Variants in ZNF324B observed in about 807,000 individuals in gnomAD.
ZNF324B encodes the protein zinc finger protein 324B.
Under a neutral mutation model 10.6 loss-of-function variants are expected in ZNF324B, and 7 were observed. That is an observed-to-expected ratio of 0.66 (90% CI 0.38 to 1.24). The LOEUF (loss-of-function observed/expected upper bound fraction) is 1.24. ZNF324B is among the 50% of genes most tolerant of loss of function. The pLI is 0.02. For missense variants in ZNF324B, 640 were observed against 764.7 expected, an observed-to-expected ratio of 0.84 and a Z score of 1.92; for synonymous variants, 316 against 321.0, an observed-to-expected ratio of 0.98 and a Z score of 0.17.
the ZNF324B span, chr19:58,430,375 T>G: frequency 6.6e-6 from 1 of 152,250 alleles, no homozygotes; most frequent in East Asian, 1.9e-4. Context: ...ACTATTGTTT[T>G]AAGCCACTAG....
the ZNF324B span, among the ~76,000 whole-genome samples, chr19:58,427,152 C>T: frequency 1.1e-4 from 16 of 151,098 alleles, no homozygotes; most frequent in Admixed American, 4.0e-4. Context: ...TTTTTTGAGA[C>T]GGAGTTTCAC....
chr19:58,424,519 AACT>A, the ZNF324B span, among the ~76,000 whole-genome samples: 2 of 152,252 alleles, frequency 1.3e-5, no homozygotes, highest in Non-Finnish European at 2.9e-5. Flanking sequence ...TGCAAATTTA[AACT>A]ATGATGAGAT....
the ZNF324B span, chr19:58,434,723 A>G: frequency 6.2e-7 from 1 of 1,614,196 alleles, no homozygotes; most frequent in Non-Finnish European, 8.5e-7. Context: ...GCTTTTCCAC[A>G]GTTGCTGCAC....
In ZNF324B at chr19:58,455,667, G is replaced by C; in HGVS notation, c.723G>C (p.Ser241=). ...PHRLLGGQEP[S]TWDELGEALH... ...GACTCCTCGGTGGCCAGGAGCCCTC[G>C]ACCTGGGACGAGCTGGGCGAGGCTC... The change falls in exon 4 of 4, where the codon TCG becomes TCC. Residue 241 remains serine, a synonymous_variant. Coordinates refer to ENST00000336614, the MANE Select transcript of ZNF324B (RefSeq NM_207395.3). This position sits in a 1 kb window ranked among gnomAD's most constrained non-coding sequence, Gnocchi z 7.0. 6.2e-7 allele frequency: 1 copy of C among 1,613,538 alleles called. No homozygotes were observed. Among genetic ancestry groups the C allele is most frequent in the Non-Finnish European group, 8.5e-7 (1 of 1,179,842 alleles).
chr19:58,437,681 C>T, the ZNF324B span: 4 of 981,716 alleles, frequency 4.1e-6, no homozygotes, highest in South Asian at 1.9e-4. Flanking sequence ...TCCCTGTTCA[C>T]ACTGTAGGCA....
At chr19:58,427,472 T>C in the ZNF324B span, among the ~76,000 whole-genome samples, 1 of 106,582 alleles carries the variant, frequency 9.4e-6, no homozygotes, top group African/African-American at 4.1e-5. Context: ...CTTCCTTCCT[T>C]CCTTCCTTCC....
chr19:58,448,366 A>C (rs57016379), upstream of ZNF324B, among the ~76,000 whole-genome samples: 1 of 152,344 alleles, frequency 6.6e-6, no homozygotes, highest in African/African-American at 2.4e-5. Flanking sequence ...GTTTTAGCAA[A>C]GAGACTGGTG....
intron 2 of ZNF324B, 91 bp downstream of exon 2, chr19:58,453,913 C>A: frequency 6.5e-7 from 1 of 1,531,186 alleles, no homozygotes; most frequent in Non-Finnish European, 8.8e-7. Context: ...AGGATCAAAT[C>A]TGGCCAGGGC....
At chr19:58,421,647 G>A in the ZNF324B span, among the ~76,000 whole-genome samples, 1 of 152,148 alleles carries the variant, frequency 6.6e-6, no homozygotes, top group Non-Finnish European at 1.5e-5. Flanking sequence ...CCAAAGTGCT[G>A]TGATTACAGG....
upstream of ZNF324B, among the ~76,000 whole-genome samples, chr19:58,447,319 T>C (rs2052832540): frequency 6.6e-6 from 1 of 152,050 alleles, no homozygotes; most frequent in African/African-American, 2.4e-5. Context: ...TTGGCTAGGG[T>C]CAATCAGCTG....
chr19:58,422,011 G>T, the ZNF324B span, among the ~76,000 whole-genome samples: 1 of 152,194 alleles, frequency 6.6e-6, no homozygotes, highest in Admixed American at 6.5e-5. Context: ...TCCGCGTCCC[G>T]GGTTCAAGCG....
Position 58,453,780 on chromosome 19 carries a change from C to T in ZNF324B, c.79C>T (p.Arg27Cys), listed in dbSNP as rs201104603. 2.4e-5 allele frequency: 38 copies of T among 1,614,176 alleles called. No individual in the cohort carries two copies. The East Asian group carries it at 4.0e-4, about 17-fold the overall frequency. Residue 27 changes from arginine to cysteine, a missense_variant, in exon 2 of 4, where the codon CGC becomes TGC. Transcript: ENST00000336614. Reference protein sequence around the residue: ...LLDTAQRALYRHVMLENFTLV... With the variant: ...LLDTAQRALYCHVMLENFTLV... The stretch of plus-strand genomic sequence containing the variant: ...GGACACAGCGCAGAGGGCCCTGTAC[C>T]GCCACGTGATGCTGGAAAACTTCAC...
the ZNF324B span, chr19:58,429,579 A>T: frequency 6.6e-6 from 1 of 152,242 alleles, no homozygotes; most frequent in South Asian, 2.1e-4. Context: ...GTTAGCCAGG[A>T]TGGTCTCGAT....
At chr19:58,450,128 A>G (rs1354863595), upstream of ZNF324B, among the ~76,000 whole-genome samples, 1 of 152,148 alleles carries the variant, frequency 6.6e-6, no homozygotes, top group Non-Finnish European at 1.5e-5. Context: ...TGGTTTCATA[A>G]GGGGTTTCCT....
chr19:58,439,608 G>A, the ZNF324B span: 1 of 734,200 alleles, frequency 1.4e-6, no homozygotes, highest in East Asian at 3.4e-5. Context: ...GATGGTAAGG[G>A]TAAGTGACTC....
At chr19:58,430,346 T>C in the ZNF324B span, 3 of 152,294 alleles carry the variant, frequency 2.0e-5, no homozygotes, top group South Asian at 4.1e-4. Context: ...TCCTGACCTA[T>C]AGAGACTGTG....
chr19:58,436,838 TG>T, the ZNF324B span: 1 of 729,726 alleles, frequency 1.4e-6, no homozygotes, highest in Non-Finnish European at 2.4e-6. Context: ...ACAAGGCTCC[TG>T]GGCAACAGCT....
the ZNF324B span, chr19:58,437,702 C>T: frequency 2.5e-5 from 25 of 985,320 alleles, no homozygotes; most frequent in Non-Finnish European, 3.0e-5. Context: ...TTCTCCCTAG[C>T]ATCTCACCAT....
intron 3 of ZNF324B, 93 bp downstream of exon 3, chr19:58,454,437 C>T (rs1436674410): frequency 1.2e-6 from 1 of 809,816 alleles, no homozygotes; most frequent in Non-Finnish European, 2.1e-6. Context: ...ATCCTCCTCT[C>T]CTGCCTCCTA....
Sources: allele counts gnomAD v4.1 joint callset (sites outside exome capture counted in the v4.1 genomes callset), GRCh38; gene constraint gnomAD v4.1.1; non-coding constraint Gnocchi (gnomAD v3.1); transcripts MANE v1.5; gene names NCBI Gene and HGNC (gene_info 2026-07-23, HGNC 2026-07-21).